The following CTNNA3 variants were observed in gnomAD, a reference collection of about 807,000 sequenced individuals.
The protein encoded by CTNNA3 is catenin alpha-3.
CTNNA3 carries 76 observed loss-of-function variants against 95.7 expected under a neutral mutation model. The observed-to-expected ratio is 0.79, with a 90% CI of 0.66 to 0.96. The LOEUF (loss-of-function observed/expected upper bound fraction) is 0.96, where lower values mean the gene tolerates loss of function less well. CTNNA3 is among the 40% of genes least tolerant of loss of function. The pLI, the probability that CTNNA3 is intolerant of heterozygous loss-of-function variation, is 0.00. For synonymous variants in CTNNA3, 431 were observed against 374.4 expected, an observed-to-expected ratio of 1.15 and a Z score of -1.74; for missense variants, 1,191 against 1,089.8, an observed-to-expected ratio of 1.09 and a Z score of -1.31.
At chr10:67,445,431 A>T (rs1415756348) in intron 5 of CTNNA3, among the ~76,000 whole-genome samples, 2 of 152,044 alleles carry the variant, frequency 1.3e-5, no homozygotes, top group Non-Finnish European at 2.9e-5. Flanking sequence ...TGCCTATAAG[A>T]AACACAAGAA....
chr10:67,461,884 C>A (rs1737487921), intron 5 of CTNNA3, among the ~76,000 whole-genome samples: 1 of 152,220 alleles, frequency 6.6e-6, no homozygotes, highest in South Asian at 2.1e-4. Flanking sequence ...ATTAACCTTT[C>A]ATTATTTATT....
intron 15 of CTNNA3, among the ~76,000 whole-genome samples, chr10:66,044,362 C>T (rs1330361115): frequency 6.6e-6 from 1 of 151,842 alleles, no homozygotes; most frequent in East Asian, 1.9e-4. Flanking sequence ...AAATCAAAAG[C>T]AAATCAAACA....
intron 7 of CTNNA3, among the ~76,000 whole-genome samples, chr10:66,967,096 T>C (rs1849464161): frequency 6.6e-6 from 1 of 152,016 alleles, no homozygotes; most frequent in African/African-American, 2.4e-5. Context: ...TAACACTCCA[T>C]TAGGAACGTT....
intron 5 of CTNNA3, among the ~76,000 whole-genome samples, chr10:67,354,597 T>C (rs2132653315): frequency 6.6e-6 from 1 of 152,154 alleles, no homozygotes; most frequent in East Asian, 1.9e-4. Flanking sequence ...ACAATAGATT[T>C]ATTCTACAAT....
At chr10:66,483,521 T>A (rs1037300532) in intron 11 of CTNNA3, among the ~76,000 whole-genome samples, 1 of 152,072 alleles carries the variant, frequency 6.6e-6, no homozygotes, top group African/African-American at 2.4e-5. Flanking sequence ...TCAACTACAA[T>A]CTCAAAAATA....
intron 1 of CTNNA3, among the ~76,000 whole-genome samples, chr10:67,726,413 A>ACGAAAT: frequency 1.8e-5 from 1 of 56,908 alleles, no homozygotes; most frequent in African/African-American, 1.2e-4. Context: ...TATATCATAT[A>ACGAAAT]TAATATTATA....
intron 9 of CTNNA3, among the ~76,000 whole-genome samples, chr10:66,629,777 A>T (rs1276123043): frequency 6.6e-6 from 1 of 152,044 alleles, no homozygotes; most frequent in Non-Finnish European, 1.5e-5. Context: ...TCTGCCAGAA[A>T]ACATCTGTAC....
At chr10:67,727,888 T>C (rs1264413057) in intron 1 of CTNNA3, among the ~76,000 whole-genome samples, 2 of 132,322 alleles carry the variant, frequency 1.5e-5, no homozygotes, top group Admixed American at 8.5e-5. Flanking sequence ...ATATCACATA[T>C]TATATTATGT....
At chr10:66,750,804 G>A (rs1281436138) in intron 9 of CTNNA3, among the ~76,000 whole-genome samples, 1 of 152,196 alleles carries the variant, frequency 6.6e-6, no homozygotes, top group Non-Finnish European at 1.5e-5. Context: ...TTGTGAAGAA[G>A]TGACATGTTT....
chr10:66,820,830 G>T (rs1842282648), intron 7 of CTNNA3, among the ~76,000 whole-genome samples: 3 of 151,620 alleles, frequency 2.0e-5, no homozygotes, highest in Non-Finnish European at 4.4e-5. Flanking sequence ...CCAAAATAAG[G>T]TTAATTTATA....
intron 11 of CTNNA3, among the ~76,000 whole-genome samples, chr10:66,444,900 C>A (rs543163712): frequency 6.6e-6 from 1 of 152,000 alleles, no homozygotes; most frequent in African/African-American, 2.4e-5. Context: ...AGAGTCAAGA[C>A]CCATCAGTGT....
intron 5 of CTNNA3, among the ~76,000 whole-genome samples, chr10:67,429,863 GT>G (rs1336683835): frequency 6.6e-6 from 1 of 151,696 alleles, no homozygotes; most frequent in African/African-American, 2.4e-5. Flanking sequence ...GGATGCACAT[GT>G]TTTTTTGGTT....
chr10:66,873,500 C>T (rs948401969), intron 7 of CTNNA3, among the ~76,000 whole-genome samples: 1 of 151,616 alleles, frequency 6.6e-6, no homozygotes, highest in Non-Finnish European at 1.5e-5. Flanking sequence ...TGTTTGTTGG[C>T]ATCTTGTAAG....
At chr10:66,374,952 T>G (rs1376578090) in intron 12 of CTNNA3, among the ~76,000 whole-genome samples, 1 of 152,058 alleles carries the variant, frequency 6.6e-6, no homozygotes, top group Non-Finnish European at 1.5e-5. Context: ...TCTGAGGAGT[T>G]CATCAAGAGC....
At chr10:66,395,534 A>C (rs543702696) in intron 11 of CTNNA3, among the ~76,000 whole-genome samples, 354 of 152,188 alleles carry the variant, frequency 2.3e-3, no homozygotes, top group African/African-American at 8.1e-3. Context: ...AATACAAGGC[A>C]AAAAGATATG....
intron 3 of CTNNA3, among the ~76,000 whole-genome samples, chr10:67,540,450 A>G (rs2394422): frequency 0.14 from 20,904 of 151,928 alleles, 3,223 homozygotes; most frequent in African/African-American, 0.39. Context: ...AATTTACCAC[A>G]CTAAAGAACA....
At position 66,536,153 on chromosome 10, in the gene CTNNA3, GAGAGAGAGACAGAGAC is replaced by G. The variant is rs1841646932; in HGVS notation, c.1375-15396_1375-15381del. 3.3e-5 allele frequency among the ~76,000 whole-genome samples: 5 copies of G among 151,380 alleles called. No individual in the cohort carries two copies. The South Asian group carries it at 1.0e-3, about 32-fold the overall frequency. ...AAACGACATGAGAGAGAGAGAGAGA[GAGAGAGAGACAGAGAC>G]AGAGAGAGACAGAGAGAGAGAAATT... On this transcript the variant is annotated intron_variant, in intron 10 of 17. Coordinates refer to ENST00000433211, the MANE Select transcript of CTNNA3 (RefSeq NM_013266.4).
At chr10:66,297,195 C>T (rs968460145) in intron 12 of CTNNA3, among the ~76,000 whole-genome samples, 1 of 151,982 alleles carries the variant, frequency 6.6e-6, no homozygotes, top group African/African-American at 2.4e-5. Flanking sequence ...CCTATACACA[C>T]ATAAGAGATA....
intron 9 of CTNNA3, among the ~76,000 whole-genome samples, chr10:66,746,526 AT>A (rs528712044): frequency 1.3e-5 from 2 of 152,074 alleles, no homozygotes; most frequent in East Asian, 1.9e-4. Context: ...TTTGCATAGC[AT>A]TTTTTTTCCT....
Sources: allele counts gnomAD v4.1 joint callset (sites outside exome capture counted in the v4.1 genomes callset), GRCh38; gene constraint gnomAD v4.1.1; transcripts MANE v1.5; gene names NCBI Gene and HGNC (gene_info 2026-07-23, HGNC 2026-07-21).